THSD7A: variants seen among roughly 807,000 people sequenced by gnomAD.
THSD7A encodes thrombospondin type 1 domain containing 7A, also known as thrombospondin type-1 domain-containing protein 7A.
Under a neutral mutation model 231.3 loss-of-function variants are expected in THSD7A, and 96 were observed. That is an observed-to-expected ratio of 0.41 (90% CI 0.35 to 0.49). The LOEUF (loss-of-function observed/expected upper bound fraction) is 0.49. THSD7A is among the 20% of genes least tolerant of loss of function. The probability of loss-of-function intolerance (pLI) is 0.05; values close to 1 mark genes in which losing one functional copy is unlikely to be tolerated. For missense variants in THSD7A, 2,290 were observed against 2,070.2 expected (o/e 1.11, Z -2.06); for synonymous variants, 940 against 743.3 (o/e 1.26, Z -4.30).
chr7:11,718,031 C>T (rs1052359306), intron 1 of THSD7A, among the ~76,000 whole-genome samples: 2 of 151,522 alleles, frequency 1.3e-5, no homozygotes, highest in African/African-American at 4.8e-5. Context: ...CAAAGATTAT[C>T]ACAAATATAT....
intron 1 of THSD7A, among the ~76,000 whole-genome samples, chr7:11,719,346 T>C (rs1781263108): frequency 6.6e-6 from 1 of 151,658 alleles, no homozygotes; most frequent in Non-Finnish European, 1.5e-5. Flanking sequence ...GACATCAGCC[T>C]TCATTGTTCT....
chr7:11,784,241 T>C (rs2128175706), intron 1 of THSD7A, among the ~76,000 whole-genome samples: 1 of 151,998 alleles, frequency 6.6e-6, no homozygotes, highest in African/African-American at 2.4e-5. Context: ...TATGTATGTG[T>C]GTGTGTGTAT....
chr7:11,725,581 C>A (rs1781519194), intron 1 of THSD7A, among the ~76,000 whole-genome samples: 1 of 151,892 alleles, frequency 6.6e-6, no homozygotes, highest in Non-Finnish European at 1.5e-5. Flanking sequence ...TGATTTGCAA[C>A]TTTTATGATG....
Position 11,474,214 on chromosome 7 carries a change from G to T in THSD7A, c.2252+120C>A. ...CTGACTTTCAAAACAAACAAATCTT[G>T]CTCTTGAGGACAGGTATGACAAGCA... On this transcript the variant is annotated intron_variant, in intron 8 of 27. Coordinates refer to ENST00000423059, the MANE Select transcript of THSD7A (RefSeq NM_015204.3). The surrounding 1 kb of genome is among the most constrained non-coding windows in gnomAD (Gnocchi z 4.1). The T allele has an allele frequency of 2.6e-6, 2 of 776,238 alleles. No homozygotes were observed. Among genetic ancestry groups the T allele is most frequent in the Non-Finnish European group, 4.0e-6 (2 of 502,164 alleles). The allele number at this position is 776,238 out of a possible 1,614,324, so 48.1% of individuals were successfully genotyped here. A position where few individuals can be genotyped will look rare whatever the true frequency, so the allele number is the denominator to read the frequency against.
intron 4 of THSD7A, among the ~76,000 whole-genome samples, chr7:11,560,144 T>C (rs1790016908): frequency 6.6e-6 from 1 of 151,984 alleles, no homozygotes; most frequent in African/African-American, 2.4e-5. Flanking sequence ...CATCAGAAAG[T>C]GAAAAAGCAA....
chr7:11,403,884 A>G (rs1168883854), intron 22 of THSD7A, among the ~76,000 whole-genome samples: 1 of 152,222 alleles, frequency 6.6e-6, no homozygotes, highest in Non-Finnish European at 1.5e-5. Context: ...AGATATGACA[A>G]TTAAACACAT....
Position 11,371,991 on chromosome 7 carries a change from G to A in THSD7A, c.*3803C>T, listed in dbSNP as rs1156564268. The stretch of plus-strand genomic sequence containing the variant: ...GACCAAGCAGAGAAAATCAGAAAGG[G>A]CCAAGGATACAGGTTGTTGGGGGAG... On this transcript the variant is annotated 3_prime_UTR_variant, in exon 28 of 28. Transcript: ENST00000423059. The A allele has an allele frequency of 6.6e-6, 1 of 151,800 alleles. No homozygotes were observed. Among genetic ancestry groups the A allele is most frequent in the African/African-American group, 2.4e-5 (1 of 41,332 alleles). The allele number at this position is 151,800 out of a possible 1,614,324, so 9.4% of individuals were successfully genotyped here.
At chr7:11,766,080 G>A (rs1248633126) in intron 1 of THSD7A, among the ~76,000 whole-genome samples, 1 of 152,140 alleles carries the variant, frequency 6.6e-6, no homozygotes, top group African/African-American at 2.4e-5. Context: ...CTACATATGT[G>A]TGGAAGGGCA....
At chr7:11,453,927 A>G (rs998814059) in intron 11 of THSD7A, among the ~76,000 whole-genome samples, 1 of 152,016 alleles carries the variant, frequency 6.6e-6, no homozygotes, top group African/African-American at 2.4e-5. Flanking sequence ...CATAGTTATT[A>G]TGGCTAGGTT....
At chr7:11,688,816 T>C (rs1216001998) in intron 1 of THSD7A, among the ~76,000 whole-genome samples, 1 of 151,834 alleles carries the variant, frequency 6.6e-6, no homozygotes, top group East Asian at 2.0e-4. Flanking sequence ...TTCACTACTC[T>C]GCACTCATCT....
chr7:11,446,148 C>T lies in THSD7A; in HGVS notation c.2977G>A (p.Glu993Lys). ...TGGTAACGATATCCTTGTCCGCATT[C>T]CTTGATGTCTCCTTGTACTTTCATT... is the stretch of plus-strand genomic sequence containing the variant. ...LGMKVQGDIK[E>K]CGQGYRYQAM... Residue 993 changes from glutamate (E) to lysine (K), a missense_variant, in exon 13 of 28, where the codon GAA becomes AAA. Coordinates refer to ENST00000423059, the MANE Select transcript of THSD7A (RefSeq NM_015204.3). The surrounding 1 kb of genome is among the most constrained non-coding windows in gnomAD (Gnocchi z 4.0). The T allele has an allele frequency of 6.2e-7, 1 of 1,613,542 alleles. No homozygotes were observed. The highest frequency in any genetic ancestry group is 8.5e-7 in the Non-Finnish European group (1 of 1,179,652).
At chr7:11,464,377 T>C (rs1785620263) in intron 9 of THSD7A, among the ~76,000 whole-genome samples, 1 of 152,116 alleles carries the variant, frequency 6.6e-6, no homozygotes, top group Admixed American at 6.6e-5. Flanking sequence ...ATTTGGGGGC[T>C]GGTGGAGACA....
In THSD7A at chr7:11,821,004, T is replaced by C. The variant is rs917421397; in HGVS notation, c.190+10753A>G. On this transcript the variant is annotated intron_variant, in intron 1 of 27. Transcript: ENST00000423059. ...AACAGGATCATCTCTGTATTTTCCC[T>C]CAGCCTTGTAGCCAGGTTTTCTGGG... 6 of 1,032,432 alleles carry C rather than the reference T, an allele frequency of 5.8e-6. No individual in the cohort carries two copies. The African/African-American group carries it at 6.4e-5, about 11-fold the overall frequency. 64.0% of individuals were successfully genotyped at this position (1,032,432 alleles called of 1,614,324 possible).
At chr7:11,451,501 A>T (rs770932884) in intron 11 of THSD7A, among the ~76,000 whole-genome samples, 2 of 152,062 alleles carry the variant, frequency 1.3e-5, no homozygotes, top group Non-Finnish European at 2.9e-5. Flanking sequence ...AGCTGAGTAA[A>T]TGATGACTAC....
chr7:11,653,848 A>G (rs1468179610), intron 1 of THSD7A, among the ~76,000 whole-genome samples: 1 of 151,970 alleles, frequency 6.6e-6, no homozygotes, highest in African/African-American at 2.4e-5. Flanking sequence ...CATTTACCTT[A>G]CTGTTTGCTT....
intron 6 of THSD7A, among the ~76,000 whole-genome samples, chr7:11,528,408 G>A (rs1788566198): frequency 1.3e-5 from 2 of 152,110 alleles, no homozygotes; most frequent in Non-Finnish European, 2.9e-5. Flanking sequence ...TTACAGCCAA[G>A]TAGATGGGAT....
chr7:11,665,748 G>A (rs62434554), intron 1 of THSD7A, among the ~76,000 whole-genome samples: 18,218 of 152,060 alleles, frequency 0.12, 1,132 homozygotes, highest in African/African-American at 0.16. Flanking sequence ...GATCCAGGTT[G>A]TGTGGGACCA....
At chr7:11,448,182 A>G (rs1472733845) in intron 11 of THSD7A, among the ~76,000 whole-genome samples, 1 of 152,182 alleles carries the variant, frequency 6.6e-6, no homozygotes, top group Non-Finnish European at 1.5e-5. Flanking sequence ...TTAAAAAATC[A>G]AAGTTTAAAT....
At chr7:11,613,736 G>T (rs1483771775) in intron 2 of THSD7A, among the ~76,000 whole-genome samples, 1 of 152,190 alleles carries the variant, frequency 6.6e-6, no homozygotes, top group Non-Finnish European at 1.5e-5. Flanking sequence ...CACACTCTGG[G>T]TGAACAATTC....
Sources: allele counts gnomAD v4.1 joint callset (sites outside exome capture counted in the v4.1 genomes callset), GRCh38; gene constraint gnomAD v4.1.1; non-coding constraint Gnocchi (gnomAD v3.1); transcripts MANE v1.5; gene names NCBI Gene and HGNC (gene_info 2026-07-23, HGNC 2026-07-21).